The following TMEFF2 variants were observed in gnomAD, a reference collection of about 807,000 sequenced individuals.
TMEFF2 encodes the protein tomoregulin-2.
TMEFF2 carries 28 observed loss-of-function variants against 53.8 expected under a neutral mutation model. The ratio of observed to expected loss-of-function variants is 0.52; its 90% CI spans 0.39 to 0.71. The LOEUF (loss-of-function observed/expected upper bound fraction) is 0.71. TMEFF2 is among the 30% of genes least tolerant of loss of function. The pLI is 0.00. For missense variants in TMEFF2, 353 were observed against 455.2 expected, an observed-to-expected ratio of 0.78 and a Z score of 2.04; for synonymous variants, 162 against 166.3, an observed-to-expected ratio of 0.97 and a Z score of 0.20.
intron 4 of TMEFF2, among the ~76,000 whole-genome samples, chr2:192,083,003 C>T (rs1361270336): frequency 7.0e-5 from 10 of 142,688 alleles, no homozygotes; most frequent in African/African-American, 1.8e-4. Context: ...ATTACCTCTG[C>T]GTTCTTCTGT....
intron 5 of TMEFF2, among the ~76,000 whole-genome samples, chr2:192,004,172 A>G (rs2105842158): frequency 6.6e-6 from 1 of 152,254 alleles, no homozygotes; most frequent in East Asian, 1.9e-4. Context: ...ATATATTAAC[A>G]CCTAGGAGAG....
At chr2:191,959,234 G>C (rs1038948559) in intron 7 of TMEFF2, among the ~76,000 whole-genome samples, 4 of 152,110 alleles carry the variant, frequency 2.6e-5, no homozygotes, top group Non-Finnish European at 5.9e-5. Context: ...AAAGGCTATG[G>C]TAGAAACTCT....
Position 191,999,130 on chromosome 2 carries a change from T to C in TMEFF2, c.615A>G (p.Ala205=), listed in dbSNP as rs535552422. 2 of 1,612,678 alleles carry C rather than the reference T, an allele frequency of 1.2e-6. No individual in the cohort carries two copies. The highest frequency in any genetic ancestry group is 3.3e-5 in the Admixed American group (2 of 59,954). The change falls in exon 6 of 10, where the codon GCA becomes GCG. Residue 205 remains alanine, a synonymous_variant. Transcript: ENST00000272771. ...GACACGATGCTTCTTTGATTTGGCA[T>C]GCATTATCATAAGATTTCCCATCAG... The part of the protein sequence containing the change: ...CASDGKSYDN[A]CQIKEASCQK...
intron 4 of TMEFF2, among the ~76,000 whole-genome samples, chr2:192,131,944 G>C (rs1345269902): frequency 6.6e-6 from 1 of 152,124 alleles, no homozygotes. Flanking sequence ...CTGACGTCCA[G>C]GCATTCTTTT....
At chr2:192,123,230 A>T (rs2105968504) in intron 4 of TMEFF2, among the ~76,000 whole-genome samples, 1 of 152,310 alleles carries the variant, frequency 6.6e-6, no homozygotes, top group Non-Finnish European at 1.5e-5. Flanking sequence ...GGTGATATTT[A>T]TGATGTTTGG....
intron 7 of TMEFF2, among the ~76,000 whole-genome samples, chr2:191,959,971 G>A (rs1574245153): frequency 1.3e-5 from 2 of 152,078 alleles, no homozygotes; most frequent in South Asian, 2.1e-4. Context: ...CCACCTCCTG[G>A]GCTCAAGTGA....
intron 4 of TMEFF2, among the ~76,000 whole-genome samples, chr2:192,139,291 A>G (rs1364694395): frequency 6.6e-6 from 1 of 152,218 alleles, no homozygotes; most frequent in Non-Finnish European, 1.5e-5. Context: ...GAATATAATC[A>G]TCGCTTGGGA....
chr2:192,193,797 GA>G, intron 1 of TMEFF2, among the ~76,000 whole-genome samples: 1 of 135,552 alleles, frequency 7.4e-6, no homozygotes, highest in African/African-American at 2.7e-5. Flanking sequence ...GAGAGAGAGA[GA>G]GAGAGAGAGA....
intron 4 of TMEFF2, among the ~76,000 whole-genome samples, chr2:192,090,034 T>C (rs922812428): frequency 6.6e-6 from 1 of 152,186 alleles, no homozygotes; most frequent in Non-Finnish European, 1.5e-5. Flanking sequence ...TATCCATAAT[T>C]GATCTGCTTC....
At position 192,188,825 on chromosome 2, in the gene TMEFF2, T is replaced by TTCTTTCTA. The variant is rs1210961876; in HGVS notation, c.282+3054_282+3055insTAGAAAGA. Among the ~76,000 whole-genome samples the TTCTTTCTA allele has an allele frequency of 2.7e-3, 83 of 31,300 alleles. 1 individual carries two copies. The highest frequency in any genetic ancestry group is 0.011 in the East Asian group (2 of 174). 20.5% of individuals were successfully genotyped at this position (31,300 alleles called of 152,430 possible). On this transcript the variant is annotated intron_variant, in intron 2 of 9. Coordinates refer to ENST00000272771, the MANE Select transcript of TMEFF2 (RefSeq NM_016192.4). ...TCCCTCCCTTCCTTCCTCCCCGCTT[T>TTCTTTCTA]TCTATCTATCTATCTATCTATCTAT...
intron 4 of TMEFF2, among the ~76,000 whole-genome samples, chr2:192,141,421 C>T (rs181716127): frequency 6.8e-6 from 1 of 147,460 alleles, no homozygotes; most frequent in Non-Finnish European, 1.5e-5. Context: ...CCACTGCACT[C>T]CAGGCTGGGC....
intron 4 of TMEFF2, among the ~76,000 whole-genome samples, chr2:192,065,087 C>T (rs1471189285): frequency 6.6e-6 from 1 of 151,842 alleles, no homozygotes; most frequent in Non-Finnish European, 1.5e-5. Flanking sequence ...AAACCAAGAT[C>T]TCCTTTTAAT....
intron 4 of TMEFF2, among the ~76,000 whole-genome samples, chr2:192,141,448 G>A (rs550000252): frequency 6.2e-4 from 77 of 124,010 alleles, no homozygotes; most frequent in African/African-American, 2.0e-3. Context: ...GTGAGACTCC[G>A]TCTCAAAAAA....
intron 4 of TMEFF2, among the ~76,000 whole-genome samples, chr2:192,162,215 C>T (rs1041634339): frequency 1.3e-5 from 2 of 152,200 alleles, no homozygotes; most frequent in African/African-American, 4.8e-5. Flanking sequence ...TTGCTACTCA[C>T]ATCACCATCA....
intron 4 of TMEFF2, among the ~76,000 whole-genome samples, chr2:192,141,245 G>A (rs983061432): frequency 2.0e-5 from 3 of 151,922 alleles, no homozygotes; most frequent in Non-Finnish European, 2.9e-5. Flanking sequence ...TTGAGGTCAG[G>A]AGTTCGAGAC....
intron 4 of TMEFF2, among the ~76,000 whole-genome samples, chr2:192,132,630 G>C (rs192860733): frequency 1.3e-3 from 198 of 152,152 alleles, no homozygotes; most frequent in African/African-American, 4.3e-3. Flanking sequence ...CAGCACACAA[G>C]AACTTCCAAA....
At chr2:192,025,169 A>G (rs1686941950) in intron 5 of TMEFF2, among the ~76,000 whole-genome samples, 1 of 152,160 alleles carries the variant, frequency 6.6e-6, no homozygotes, top group Non-Finnish European at 1.5e-5. Context: ...TGATGGACAG[A>G]GTGCCTATGG....
At chr2:192,190,208 C>T (rs1208690956) in intron 2 of TMEFF2, among the ~76,000 whole-genome samples, 6 of 151,980 alleles carry the variant, frequency 3.9e-5, no homozygotes, top group Non-Finnish European at 8.8e-5. Context: ...TCTGTCAACC[C>T]CTTTTTTTTT....
intron 5 of TMEFF2, among the ~76,000 whole-genome samples, chr2:192,031,178 A>G (rs926108083): frequency 3.3e-5 from 5 of 152,186 alleles, no homozygotes; most frequent in Non-Finnish European, 5.9e-5. Context: ...CTTGTCCAAT[A>G]TATCCTAATA....
Sources: gnomAD v4.1 joint callset for allele counts (sites outside exome capture counted in the v4.1 genomes callset) on GRCh38, gnomAD v4.1.1 for gene constraint, MANE v1.5 for transcripts, NCBI Gene and HGNC (gene_info 2026-07-23, HGNC 2026-07-21) for gene names.